NRIP1: variants seen among roughly 807,000 people sequenced by gnomAD.
NRIP1 encodes nuclear receptor interacting protein 1.
NRIP1 carries 28 observed loss-of-function variants against 75.0 expected under a neutral mutation model. That is an observed-to-expected ratio of 0.37 (90% CI 0.28 to 0.51). The LOEUF (loss-of-function observed/expected upper bound fraction) is 0.51. Among genes scored for constraint, NRIP1 ranks in the 20% least tolerant of loss-of-function variants. The pLI, the probability that NRIP1 is intolerant of heterozygous loss-of-function variation, is 0.92. For synonymous variants in NRIP1, 526 were observed against 487.6 expected (o/e 1.08, Z -1.04); for missense variants, 1,435 against 1,343.7 (o/e 1.07, Z -1.06).
chr21:14,965,016 T>TG lies in NRIP1; in HGVS notation c.3176dup (p.Arg1060LysfsTer38). 5.6e-6 allele frequency: 9 copies of TG among 1,613,982 alleles called. No individual in the cohort carries two copies. Among genetic ancestry groups the TG allele is most frequent in the Non-Finnish European group, 7.6e-6 (9 of 1,179,920 alleles). ...GTATTGGGTTGGTTTTGGTCAATCTTGGAGAGTCTTTTTCATACTCATTCT... is the reference window on the plus strand; with the variant it reads ...GTATTGGGTTGGTTTTGGTCAATCTTGGGAGAGTCTTTTTCATACTCATTCT... On this transcript the variant is annotated frameshift_variant, in exon 4 of 4. Coordinates refer to ENST00000318948, the MANE Select transcript of NRIP1 (RefSeq NM_003489.4). LOFTEE classifies it high-confidence loss of function.
At chr21:14,985,533 C>T (rs2087374966) in intron 3 of NRIP1, among the ~76,000 whole-genome samples, 1 of 152,130 alleles carries the variant, frequency 6.6e-6, no homozygotes, top group South Asian at 2.1e-4. Context: ...CCACCCGCCT[C>T]GGCCCCCCAA....
Position 14,964,549 on chromosome 21 carries a change from C to G in NRIP1, c.*167G>C, listed in dbSNP as rs900692951. The G allele has an allele frequency of 3.3e-5, 18 of 548,470 alleles. No individual in the cohort carries two copies. The highest frequency in any genetic ancestry group is 4.9e-5 in the Non-Finnish European group (16 of 328,182). The allele number at this position is 548,470 out of a possible 1,614,324, so 34.0% of individuals were successfully genotyped here. On this transcript the variant is annotated 3_prime_UTR_variant, in exon 4 of 4. Coordinates refer to ENST00000318948, the MANE Select transcript of NRIP1 (RefSeq NM_003489.4). ...TTTCCTCATGACATCTAATGTTAAG[C>G]AAAAATTAGTATGCATATTTCAACA...
Position 15,012,260 on chromosome 21 carries a change from A to G in NRIP1, c.-335+2084T>C, listed in dbSNP as rs74772907. Among the ~76,000 whole-genome samples, 2,501 of 152,288 alleles carry G rather than the reference A, an allele frequency of 0.016. 226 individuals are homozygous for G. In the East Asian group the frequency reaches 0.27, roughly 16 times the overall value. On this transcript the variant is annotated intron_variant, in intron 3 of 3. Coordinates refer to ENST00000318948, the MANE Select transcript of NRIP1 (RefSeq NM_003489.4). ...CAACATCTCCCAAGCTTATTTGACC[A>G]TGGACTGTTCATTTAAAAGGAAAAC...
At position 14,965,303 on chromosome 21, in the gene NRIP1, C is replaced by T; in HGVS notation, c.2890G>A (p.Gly964Arg). 2 of 1,613,844 alleles carry T rather than the reference C, an allele frequency of 1.2e-6. No individual in the cohort carries two copies. Among genetic ancestry groups the T allele is most frequent in the Non-Finnish European group, 1.7e-6 (2 of 1,179,874 alleles). The change falls in exon 4 of 4, where the codon GGA (glycine) becomes AGA (arginine). Residue 964 changes from glycine to arginine, a missense_variant. Coordinates refer to ENST00000318948, the MANE Select transcript of NRIP1 (RefSeq NM_003489.4). ...SNSVADSKKKGHKNNVTNSKP... is the reference protein window; with the variant it reads ...SNSVADSKKKRHKNNVTNSKP... ...CTGTTGGTCACATTATTTTTGTGTC[C>T]TTTCTTTTTACTGTCAGCCACAGAG...
At chr21:15,037,616 C>T (rs2088864769) in intron 2 of NRIP1, among the ~76,000 whole-genome samples, 2 of 152,110 alleles carry the variant, frequency 1.3e-5, no homozygotes, top group African/African-American at 4.8e-5. Flanking sequence ...AGTGATCATA[C>T]AAATCACAGG....
chr21:14,993,067 C>A lies in NRIP1; in HGVS notation c.-335+21277G>T, dbSNP rs575438160. Among the ~76,000 whole-genome samples the A allele has an allele frequency of 2.0e-5, 3 of 152,104 alleles. 1 individual carries two copies. The highest frequency in any genetic ancestry group is 2.0e-4 in the Admixed American group (3 of 15,276). Reference sequence around the variant, plus strand: ...AACCTTAAAATACCTGTTCAATAATCAGTTTTTAATTATCAAAAAAATGTT... The same window carrying A: ...AACCTTAAAATACCTGTTCAATAATAAGTTTTTAATTATCAAAAAAATGTT... On this transcript the variant is annotated intron_variant, in intron 3 of 3. Coordinates refer to ENST00000318948, the MANE Select transcript of NRIP1 (RefSeq NM_003489.4).
At position 14,965,627 on chromosome 21, in the gene NRIP1, G is replaced by T; in HGVS notation, c.2566C>A (p.Pro856Thr). 1 of 1,613,132 alleles carries T rather than the reference G, an allele frequency of 6.2e-7. No homozygotes were observed. The change falls in exon 4 of 4, where the codon CCT (proline) becomes ACT (threonine). Residue 856 changes from proline to threonine, a missense_variant. Coordinates refer to ENST00000318948, the MANE Select transcript of NRIP1 (RefSeq NM_003489.4). The part of the protein sequence containing the change: ...LLESKNLCMV[P>T]KKRKLYTEPL... ...TCAGTATAAAGCTTCCTTTTCTTAG[G>T]GACCATGCAAAGATTCTTTGATTCT...
At chr21:15,040,684 T>C (rs1321471595) in intron 2 of NRIP1, among the ~76,000 whole-genome samples, 1 of 152,086 alleles carries the variant, frequency 6.6e-6, no homozygotes. Flanking sequence ...CATAAGTACA[T>C]AGAGGAGGAT....
At chr21:14,975,209 T>C (rs1391312628) in intron 3 of NRIP1, among the ~76,000 whole-genome samples, 1 of 105,338 alleles carries the variant, frequency 9.5e-6, no homozygotes, top group Non-Finnish European at 2.5e-5. Flanking sequence ...ATATAATCAA[T>C]AGCACCATAA....
Position 14,966,289 on chromosome 21 carries a change from G to T in NRIP1, c.1904C>A (p.Ala635Glu), listed in dbSNP as rs1426228961. The T allele has an allele frequency of 3.7e-6, 6 of 1,614,088 alleles. No homozygotes were observed. The highest frequency in any genetic ancestry group is 5.1e-6 in the Non-Finnish European group (6 of 1,179,984). The change falls in exon 4 of 4, where the codon GCA (alanine) becomes GAA (glutamate). Residue 635 changes from alanine (A) to glutamate (E), a missense_variant. By Grantham distance (107) the Ala-to-Glu change is moderately radical. Coordinates refer to ENST00000318948, the MANE Select transcript of NRIP1 (RefSeq NM_003489.4). ...CATGGATGACTGCATTCCACATTGTGCTAAATTTTGTAACAGCTTACTGGC... is the reference window on the plus strand; with the variant it reads ...CATGGATGACTGCATTCCACATTGTTCTAAATTTTGTAACAGCTTACTGGC... ...FSASKLLQNLAQCGMQSSMSV... is the reference protein window; with the variant it reads ...FSASKLLQNLEQCGMQSSMSV...
chr21:14,996,935 T>C (rs899482806), intron 3 of NRIP1, among the ~76,000 whole-genome samples: 3 of 151,980 alleles, frequency 2.0e-5, no homozygotes, highest in Non-Finnish European at 4.4e-5. Context: ...TGTATAAAGA[T>C]AAATAAATCA....
chr21:15,046,840 C>A (rs532833917), intron 1 of NRIP1, among the ~76,000 whole-genome samples: 2 of 152,200 alleles, frequency 1.3e-5, no homozygotes, highest in Non-Finnish European at 2.9e-5. Context: ...ATCCAGGCAG[C>A]TTCTATCCTT....
chr21:15,048,469 C>T (rs2089135846), intron 1 of NRIP1, among the ~76,000 whole-genome samples: 1 of 152,040 alleles, frequency 6.6e-6, no homozygotes, highest in African/African-American at 2.4e-5. Context: ...CAGGATGTTC[C>T]CAAAATCTTA....
Position 14,964,893 on chromosome 21 carries a change from T to C in NRIP1, c.3300A>G (p.Ser1100=), listed in dbSNP as rs1267265162. The part of the protein sequence containing the change: ...WREASSAESV[S]QVTAKEELLP... Reference sequence around the variant, plus strand: ...GTAACTCTTCTTTGGCTGTGACCTGTGAGACACTTTCAGCAGATGAAGCCT... The same window carrying C: ...GTAACTCTTCTTTGGCTGTGACCTGCGAGACACTTTCAGCAGATGAAGCCT... The change falls in exon 4 of 4, where the codon TCA becomes TCG. Residue 1100 remains serine, a synonymous_variant. Coordinates refer to ENST00000318948, the MANE Select transcript of NRIP1 (RefSeq NM_003489.4). The C allele has an allele frequency of 1.2e-6, 2 of 1,613,258 alleles. No individual in the cohort carries two copies. Among genetic ancestry groups the C allele is most frequent in the South Asian group, 1.1e-5 (1 of 90,934 alleles).
At chr21:15,023,196 A>T (rs966479740) in intron 2 of NRIP1, among the ~76,000 whole-genome samples, 1 of 152,010 alleles carries the variant, frequency 6.6e-6, no homozygotes, top group South Asian at 2.1e-4. Flanking sequence ...GAACACTTTA[A>T]ACAGGTGAAT....
intron 1 of NRIP1, among the ~76,000 whole-genome samples, chr21:15,053,021 G>A (rs1177266697): frequency 1.3e-5 from 2 of 152,126 alleles, no homozygotes; most frequent in African/African-American, 4.8e-5. Context: ...TTTGTTGACT[G>A]CCCAAAGGCC....
At chr21:15,052,013 A>C (rs1337563276) in intron 1 of NRIP1, 1 of 152,310 alleles carries the variant, frequency 6.6e-6, no homozygotes, top group Non-Finnish European at 1.5e-5. Flanking sequence ...AAGTTCAATT[A>C]TGTTAAGCTA....
intron 3 of NRIP1, among the ~76,000 whole-genome samples, chr21:14,977,712 G>GA (rs1447678849): frequency 6.6e-6 from 1 of 151,938 alleles, no homozygotes; most frequent in Non-Finnish European, 1.5e-5. Context: ...CTAATTACTT[G>GA]AAAAAAATGA....
chr21:15,031,030 C>CAT (rs1334828634), intron 2 of NRIP1, among the ~76,000 whole-genome samples: 14 of 134,118 alleles, frequency 1.0e-4, no homozygotes, highest in Admixed American at 8.4e-4. Flanking sequence ...TGTGTATACT[C>CAT]TGGAAGGCGG....
Sources: gnomAD v4.1 joint callset for allele counts (sites outside exome capture counted in the v4.1 genomes callset) on GRCh38, gnomAD v4.1.1 for gene constraint, MANE v1.5 for transcripts, NCBI Gene and HGNC (gene_info 2026-07-23, HGNC 2026-07-21) for gene names.